ZHX2: variants seen among roughly 807,000 people sequenced by gnomAD.
The protein encoded by ZHX2 is zinc fingers and homeoboxes 2.
In ZHX2, 6 loss-of-function variants were observed where a neutral mutation model predicts 21.9. The observed-to-expected ratio is 0.27, with a 90% CI of 0.15 to 0.54. The LOEUF (loss-of-function observed/expected upper bound fraction) is 0.54. Ranked by LOEUF, ZHX2 falls within the 20% of genes least tolerant of loss-of-function variation. The pLI is 0.95. For synonymous variants in ZHX2, 434 were observed against 437.1 expected, an observed-to-expected ratio of 0.99 and a Z score of 0.09; for missense variants, 908 against 1,090.7, an observed-to-expected ratio of 0.83 and a Z score of 2.36.
chr8:122,827,090 G>T (rs75802331), intron 1 of ZHX2, among the ~76,000 whole-genome samples: 1 of 152,026 alleles, frequency 6.6e-6, no homozygotes, highest in African/African-American at 2.4e-5. Flanking sequence ...GCTCTATCTC[G>T]GCTCACTGCA....
intron 1 of ZHX2, among the ~76,000 whole-genome samples, chr8:122,807,401 T>C (rs1444638921): frequency 6.6e-6 from 1 of 152,210 alleles, no homozygotes; most frequent in Non-Finnish European, 1.5e-5. Flanking sequence ...ATTTCCAGAC[T>C]GCATGGGAAG....
chr8:122,920,881 G>A (rs892147912), intron 2 of ZHX2, among the ~76,000 whole-genome samples: 4 of 152,226 alleles, frequency 2.6e-5, no homozygotes, highest in African/African-American at 9.6e-5. Flanking sequence ...CCATATGGGC[G>A]GGCTGGACAG....
chr8:122,891,451 T>C (rs1819977106), intron 2 of ZHX2, among the ~76,000 whole-genome samples: 1 of 152,130 alleles, frequency 6.6e-6, no homozygotes, highest in South Asian at 2.1e-4. Context: ...TTATTATTTC[T>C]TTCCTTCTAC....
At position 122,951,896 on chromosome 8, in the gene ZHX2, A is replaced by G. The variant is rs771426566; in HGVS notation, c.386A>G (p.Asn129Ser). ...AAGTACGACTCCCTATCCGACCACA[A>G]CTCCAAGTTCCATCCCGGGGAGGCC... ...TKKYDSLSDH[N>S]SKFHPGEANF... Residue 129 changes from asparagine (N) to serine (S), a missense_variant, in exon 3 of 4, where the codon AAC (asparagine) becomes AGC (serine). Around this residue, in one of 4 missense-constraint regions of ZHX2, gnomAD observed 220 missense variants for 251.4 expected, o/e 0.88. Transcript: ENST00000314393. The G allele has an allele frequency of 1.2e-6, 2 of 1,613,920 alleles. No individual in the cohort carries two copies. Among genetic ancestry groups the G allele is most frequent in the East Asian group, 4.5e-5 (2 of 44,870 alleles).
intron 1 of ZHX2, among the ~76,000 whole-genome samples, chr8:122,798,963 A>G (rs748216402): frequency 1.3e-5 from 2 of 152,178 alleles, no homozygotes; most frequent in South Asian, 2.1e-4. Context: ...ACCTAGTCCA[A>G]TCCCCTGGGG....
At position 122,935,641 on chromosome 8, in the gene ZHX2, T is replaced by A. The variant is rs1812665995; in HGVS notation, c.-219-15651T>A. 2.0e-5 allele frequency among the ~76,000 whole-genome samples: 3 copies of A among 151,376 alleles called. 1 individual carries two copies. The highest frequency in any genetic ancestry group is 4.4e-5 in the Non-Finnish European group (3 of 67,956). The stretch of plus-strand genomic sequence containing the variant: ...AGCTCCGCCTCCCAAGTTCATGCCA[T>A]TCTCCTGCCTCAGCCTCCCAAGTAG... On this transcript the variant is annotated intron_variant, in intron 2 of 3. Transcript: ENST00000314393.
intron 2 of ZHX2, among the ~76,000 whole-genome samples, chr8:122,931,550 C>A (rs1235302686): frequency 6.6e-6 from 1 of 152,156 alleles, no homozygotes. Flanking sequence ...AAAGTAAGAT[C>A]TTTCACCTCC....
intron 2 of ZHX2, among the ~76,000 whole-genome samples, chr8:122,945,436 CAAAAAAAAAAAAAAAA>C (rs60890533): frequency 1.2e-4 from 9 of 73,678 alleles, no homozygotes; most frequent in African/African-American, 5.0e-4. Flanking sequence ...CCTGTCTCTG[CAAAAAAAAAAAAAAAA>C]AAAAAAAAAA....
chr8:122,943,473 C>T (rs1456506706), intron 2 of ZHX2, among the ~76,000 whole-genome samples: 1 of 152,164 alleles, frequency 6.6e-6, no homozygotes, highest in African/African-American at 2.4e-5. Flanking sequence ...TGAAACTTAG[C>T]ACTTGGCATA....
At chr8:122,957,785 G>T (rs1453883060) in intron 3 of ZHX2, among the ~76,000 whole-genome samples, 1 of 152,088 alleles carries the variant, frequency 6.6e-6, no homozygotes, top group Non-Finnish European at 1.5e-5. Context: ...GAGTTCCATG[G>T]TATTGAGAAA....
chr8:122,817,780 G>A (rs55682504), intron 1 of ZHX2, among the ~76,000 whole-genome samples: 291 of 152,326 alleles, frequency 1.9e-3, no homozygotes, highest in Non-Finnish European at 3.3e-3. Context: ...GGAGCCAGCT[G>A]GAGGCTAGAT....
chr8:122,941,415 C>T (rs6983640), intron 2 of ZHX2, among the ~76,000 whole-genome samples: 93,986 of 152,124 alleles, frequency 0.62, 30,082 homozygotes, highest in East Asian at 0.74. Context: ...TTGCTTCTTA[C>T]GTCTCAACTT....
intron 1 of ZHX2, among the ~76,000 whole-genome samples, chr8:122,834,671 C>T (rs11776695): frequency 4.5e-4 from 68 of 152,182 alleles, no homozygotes; most frequent in South Asian, 1.0e-3. Context: ...AAGCTTGTGC[C>T]GAATATCGGT....
intron 2 of ZHX2, among the ~76,000 whole-genome samples, chr8:122,902,554 A>G (rs906660971): frequency 5.3e-5 from 8 of 152,228 alleles, no homozygotes; most frequent in Admixed American, 3.9e-4. Flanking sequence ...GCTATCTTAC[A>G]AAGTCCAGTG....
Position 122,953,408 on chromosome 8 carries a change from T to C in ZHX2, c.1898T>C (p.Ile633Thr), listed in dbSNP as rs771249280. 6.2e-6 allele frequency: 10 copies of C among 1,614,090 alleles called. No homozygotes were observed. The East Asian group carries it at 1.8e-4, about 29-fold the overall frequency. ...TCTCTGCCCAGCCCTTCGCCAGCAATTGCAAAAAGTCAAGAACAGGTTCAT... is the reference window on the plus strand; with the variant it reads ...TCTCTGCCCAGCCCTTCGCCAGCAACTGCAAAAAGTCAAGAACAGGTTCAT... ...TSSLPSPSPAIAKSQEQVHLL... is the reference protein window; with the variant it reads ...TSSLPSPSPATAKSQEQVHLL... The change falls in exon 3 of 4, where the codon ATT (isoleucine) becomes ACT (threonine). Residue 633 changes from isoleucine (I) to threonine (T), a missense_variant. Transcript: ENST00000314393. This position sits in a 1 kb window ranked among gnomAD's most constrained non-coding sequence, Gnocchi z 4.6.
chr8:122,809,263 C>G (rs1488572427), intron 1 of ZHX2: 2 of 152,400 alleles, frequency 1.3e-5, no homozygotes, highest in East Asian at 3.9e-4. Context: ...TTTGGGAGGC[C>G]GAGGTGGGTG....
intron 1 of ZHX2, among the ~76,000 whole-genome samples, chr8:122,840,869 C>T (rs1371664231): frequency 6.6e-6 from 1 of 152,172 alleles, no homozygotes; most frequent in South Asian, 2.1e-4. Context: ...GTGACTTGCT[C>T]AAGGTCACTC....
At chr8:122,957,419 T>C (rs1813334238) in intron 3 of ZHX2, among the ~76,000 whole-genome samples, 1 of 151,784 alleles carries the variant, frequency 6.6e-6, no homozygotes, top group Non-Finnish European at 1.5e-5. Flanking sequence ...TGTGGCAACA[T>C]CAGATATCTC....
At chr8:122,936,196 C>T (rs1400246685) in intron 2 of ZHX2, among the ~76,000 whole-genome samples, 1 of 152,198 alleles carries the variant, frequency 6.6e-6, no homozygotes, top group Non-Finnish European at 1.5e-5. Context: ...CGATGAGTGC[C>T]TCTCACAGTT....
Sources: allele counts gnomAD v4.1 joint callset (sites outside exome capture counted in the v4.1 genomes callset), GRCh38; gene constraint gnomAD v4.1.1; regional missense constraint gnomAD v4.1.1; non-coding constraint Gnocchi (gnomAD v3.1); transcripts MANE v1.5; gene names NCBI Gene and HGNC (gene_info 2026-07-23, HGNC 2026-07-21).